The following TNS1 variants were observed in gnomAD, a reference collection of about 807,000 sequenced individuals.
TNS1 encodes tensin 1.
Under a neutral mutation model 168.6 loss-of-function variants are expected in TNS1, and 62 were observed. The ratio of observed to expected loss-of-function variants is 0.37; its 90% CI spans 0.30 to 0.45. The LOEUF is 0.45. Among genes scored for constraint, TNS1 ranks in the 20% least tolerant of loss-of-function variants. The pLI is 1.00. For synonymous variants in TNS1, 934 were observed against 933.2 expected, an observed-to-expected ratio of 1.00 and a Z score of -0.02; for missense variants, 2,240 against 2,339.4, an observed-to-expected ratio of 0.96 and a Z score of 0.88.
intron 6 of TNS1, 70 bp downstream of exon 6, chr2:217,906,265 T>TCCCCCC: frequency 3.4e-6 from 2 of 596,288 alleles, no homozygotes. Context: ...ATTATCCACC[T>TCCCCCC]CCCACCCCAC....
intron 3 of TNS1, among the ~76,000 whole-genome samples, chr2:217,976,382 C>A (rs1396646731): frequency 2.0e-5 from 3 of 152,212 alleles, no homozygotes; most frequent in African/African-American, 7.2e-5. Context: ...CTCCCGCTGC[C>A]CTTCCCAGCA....
At chr2:217,990,027 C>T (rs989827254) in intron 2 of TNS1, among the ~76,000 whole-genome samples, 1 of 147,104 alleles carries the variant, frequency 6.8e-6, no homozygotes, top group Non-Finnish European at 1.5e-5. Flanking sequence ...CAGCACACAT[C>T]ATCCACACAC....
intron 1 of TNS1, among the ~76,000 whole-genome samples, chr2:217,996,356 G>A (rs1156233071): frequency 1.3e-5 from 2 of 152,064 alleles, no homozygotes; most frequent in Admixed American, 1.3e-4. Context: ...TCACCCTTAG[G>A]CTGGGAGGCC....
At position 217,813,511 on chromosome 2, in the gene TNS1, G is replaced by A. The variant is rs1022157469; in HGVS notation, c.4861+174C>T. Among the ~76,000 whole-genome samples, 6 of 152,106 alleles carry A rather than the reference G, an allele frequency of 3.9e-5. No individual in the cohort carries two copies. Among genetic ancestry groups the A allele is most frequent in the East Asian group, 1.9e-4 (1 of 5,178 alleles). On this transcript the variant is annotated intron_variant, in intron 26 of 32. Transcript: ENST00000682258. The surrounding 1 kb of genome is among the most constrained non-coding windows in gnomAD (Gnocchi z 4.0). Reference sequence around the variant, plus strand: ...GGAAACACATGGCAGGCACCCAATCGTCCTGCTTTCCCAATCTCTGACCTC... The same window carrying A: ...GGAAACACATGGCAGGCACCCAATCATCCTGCTTTCCCAATCTCTGACCTC...
intron 3 of TNS1, among the ~76,000 whole-genome samples, chr2:217,946,969 T>TCTCACA (rs1553618866): frequency 1.3e-4 from 15 of 118,866 alleles, no homozygotes; most frequent in African/African-American, 5.7e-4. Flanking sequence ...TCTCTCTCTC[T>TCTCACA]CACACACACA....
chr2:217,847,567 G>T lies in TNS1; in HGVS notation c.2950C>A (p.Arg984=), dbSNP rs61746994. Residue 984 remains arginine, a synonymous_variant, in exon 19 of 33, where the codon CGG becomes AGG. Coordinates refer to ENST00000682258, the MANE Select transcript of TNS1 (RefSeq NM_001387777.1). ...TTCAATGGCTCCTCCTCTGGAGTCCGGGAGGGGTCTGAAGTCGCTTCCTTT... is the reference window on the plus strand; with the variant it reads ...TTCAATGGCTCCTCCTCTGGAGTCCTGGAGGGGTCTGAAGTCGCTTCCTTT... ...SPKEATSDPS[R]TPEEEPLNLE... is the part of the protein sequence containing the mutation. 2 of 1,496,466 alleles carry T rather than the reference G, an allele frequency of 1.3e-6. No homozygotes were observed. Among genetic ancestry groups the T allele is most frequent in the South Asian group, 2.9e-5 (2 of 70,154 alleles). The allele number at this position is 1,496,466 out of a possible 1,614,324, so 92.7% of individuals were successfully genotyped here.
intron 4 of TNS1, among the ~76,000 whole-genome samples, chr2:217,915,697 CA>C (rs1473926228): frequency 6.6e-6 from 1 of 152,198 alleles, no homozygotes; most frequent in African/African-American, 2.4e-5. Flanking sequence ...AAATCAGGAG[CA>C]AGCACCGAGG....
chr2:218,021,478 C>T (rs931656483), intron 1 of TNS1, among the ~76,000 whole-genome samples: 1 of 152,186 alleles, frequency 6.6e-6, no homozygotes, highest in Admixed American at 6.5e-5. Context: ...GTAGAGCAGG[C>T]TCATCACTCA....
At chr2:217,850,014 C>G in intron 18 of TNS1, 1 of 985,446 alleles carries the variant, frequency 1.0e-6, no homozygotes, top group Non-Finnish European at 1.2e-6. Flanking sequence ...TGCCACATTT[C>G]CAGAGGCTCC....
intron 18 of TNS1, among the ~76,000 whole-genome samples, chr2:217,868,141 A>G (rs17790760): frequency 0.3 from 45,816 of 152,196 alleles, 7,349 homozygotes; most frequent in East Asian, 0.37. Flanking sequence ...GTGACTGAGG[A>G]CAGCTTATGT....
At chr2:217,999,995 G>C (rs1267755140) in intron 1 of TNS1, among the ~76,000 whole-genome samples, 1 of 152,178 alleles carries the variant, frequency 6.6e-6, no homozygotes, top group Non-Finnish European at 1.5e-5. Context: ...CAGTTCCTGA[G>C]GACCAGTGAG....
At chr2:217,928,872 G>A (rs905718141) in intron 3 of TNS1, among the ~76,000 whole-genome samples, 13 of 152,030 alleles carry the variant, frequency 8.6e-5, no homozygotes, top group Admixed American at 2.0e-4. Flanking sequence ...CAAGCCACTC[G>A]AGATGGGCTC....
intron 31 of TNS1, 120 bp downstream of exon 31, chr2:217,808,483 G>T: frequency 9.9e-7 from 1 of 1,006,626 alleles, no homozygotes; most frequent in Non-Finnish European, 1.5e-6. Context: ...AGACCTTCCA[G>T]CTGAATGGAG....
rs968270610 is a variant in TNS1, at chr2:217,988,689, T to C, written c.148+2253A>G. Among the ~76,000 whole-genome samples, 98 of 152,296 alleles carry C rather than the reference T, an allele frequency of 6.4e-4. 1 individual carries two copies. Among genetic ancestry groups the C allele is most frequent in the Non-Finnish European group, 1.5e-4 (10 of 68,024 alleles). On this transcript the variant is annotated intron_variant, in intron 2 of 32. Coordinates refer to ENST00000682258, the MANE Select transcript of TNS1 (RefSeq NM_001387777.1). Reference sequence around the variant, plus strand: ...GCCCGCAAGCCCCAGCCAGACCTCTTGGGAGGAGGGTGACACCGCGTGGCT... The same window carrying C: ...GCCCGCAAGCCCCAGCCAGACCTCTCGGGAGGAGGGTGACACCGCGTGGCT...
At chr2:217,830,488 A>T in intron 22 of TNS1, 1 of 1,426,304 alleles carries the variant, frequency 7.0e-7, no homozygotes, top group South Asian at 1.3e-5. Context: ...CCACATGGCC[A>T]CCAAGGGCCC....
chr2:217,947,665 C>G (rs1356014796), intron 3 of TNS1, among the ~76,000 whole-genome samples: 2 of 152,058 alleles, frequency 1.3e-5, no homozygotes, highest in African/African-American at 4.8e-5. Context: ...AGAAAGGGGA[C>G]AAAGGACACA....
chr2:217,859,742 T>C (rs1376813715), intron 18 of TNS1: 5 of 1,460,436 alleles, frequency 3.4e-6, no homozygotes, highest in Middle Eastern at 1.7e-4. Flanking sequence ...TTTTCAGAGT[T>C]CGCAATGCCT....
rs1012244379 is a variant in TNS1 at position 217,986,142 on chromosome 2, G to C, written c.148+4800C>G. The stretch of plus-strand genomic sequence containing the variant: ...GCCAGGTTGTATTAATAGCAAGCTA[G>C]GGCTAGAAACCCAGGGTCTTCCCAC... On this transcript the variant is annotated intron_variant, in intron 2 of 32. Coordinates refer to ENST00000682258, the MANE Select transcript of TNS1 (RefSeq NM_001387777.1). The surrounding 1 kb of genome is among the most constrained non-coding windows in gnomAD (Gnocchi z 4.7). 6.6e-6 allele frequency among the ~76,000 whole-genome samples: 1 copy of C among 152,216 alleles called. No individual in the cohort carries two copies. Among genetic ancestry groups the C allele is most frequent in the Non-Finnish European group, 1.5e-5 (1 of 68,038 alleles).
chr2:217,810,209 G>A (rs1940583420), intron 29 of TNS1, 39 bp downstream of exon 29: 1 of 1,609,770 alleles, frequency 6.2e-7, no homozygotes, highest in Non-Finnish European at 8.5e-7. Flanking sequence ...GGCAGAAAGA[G>A]AGGCCTGGGC....
Sources: gnomAD v4.1 joint callset for allele counts (sites outside exome capture counted in the v4.1 genomes callset) on GRCh38, gnomAD v4.1.1 for gene constraint, Gnocchi (gnomAD v3.1) non-coding constraint, MANE v1.5 for transcripts, NCBI Gene and HGNC (gene_info 2026-07-23, HGNC 2026-07-21) for gene names.